Variants in FLI1 observed in about 807,000 individuals in gnomAD.
FLI1 encodes Fli-1 proto-oncogene, ETS transcription factor, also known as Friend leukemia integration 1 transcription factor.
FLI1 carries 13 observed loss-of-function variants against 53.1 expected under a neutral mutation model. The observed-to-expected ratio is 0.24, with a 90% CI of 0.16 to 0.39. The LOEUF (loss-of-function observed/expected upper bound fraction) is 0.39. Ranked by LOEUF, FLI1 falls within the 10% of genes least tolerant of loss-of-function variation. The pLI is 1.00. For synonymous variants in FLI1, 244 were observed against 236.7 expected (o/e 1.03, Z -0.28); for missense variants, 424 against 600.5 (o/e 0.71, Z 3.07).
chr11:128,752,326 G>A (rs560145823), intron 1 of FLI1, among the ~76,000 whole-genome samples: 1 of 152,240 alleles, frequency 6.6e-6, no homozygotes, highest in South Asian at 2.1e-4. Flanking sequence ...CTTGATTTAG[G>A]TACTTTACTC....
intron 1 of FLI1, among the ~76,000 whole-genome samples, chr11:128,723,119 G>A (rs956467370): frequency 3.2e-4 from 48 of 152,250 alleles, no homozygotes; most frequent in African/African-American, 1.0e-3. Context: ...CCACCTCCAC[G>A]ATCAAATCAC....
At chr11:128,723,873 A>G (rs2135740527) in intron 1 of FLI1, among the ~76,000 whole-genome samples, 1 of 151,842 alleles carries the variant, frequency 6.6e-6, no homozygotes, top group South Asian at 2.1e-4. Context: ...AACCAGCTCT[A>G]CTGGAAAGAC....
intron 5 of FLI1, among the ~76,000 whole-genome samples, chr11:128,799,575 G>A (rs1371738037): frequency 2.0e-5 from 3 of 152,168 alleles, no homozygotes; most frequent in African/African-American, 4.8e-5. Context: ...TTTGAATCCC[G>A]GGTTAACTGA....
In FLI1 at chr11:128,731,688, G is replaced by A. The variant is rs77011986; in HGVS notation, c.19-26427G>A. 9.3e-3 allele frequency among the ~76,000 whole-genome samples: 1,423 copies of A among 152,232 alleles called. 19 individuals are homozygous for A. The highest frequency in any genetic ancestry group is 0.032 in the African/African-American group (1,345 of 41,544). On this transcript the variant is annotated intron_variant, in intron 1 of 8. Transcript: ENST00000527786. ...GTCATCGTGATTTGACCTCAGAACC[G>A]TCTCCTATTTTAAGATTTCAAAATG... is the stretch of plus-strand genomic sequence containing the variant.
chr11:128,780,811 G>A lies in FLI1; in HGVS notation c.590-1147G>A, dbSNP rs886557180. On this transcript the variant is annotated intron_variant, in intron 4 of 8. Coordinates refer to ENST00000527786, the MANE Select transcript of FLI1 (RefSeq NM_002017.5). ...AGTCCACTCGGCCACAGGGAGCGGG[G>A]AAAAGGGTTGTTTAGAAGAATTTTC... Among the ~76,000 whole-genome samples, 6 of 152,184 alleles carry A rather than the reference G, an allele frequency of 3.9e-5. No homozygotes were observed. The South Asian group carries it at 8.3e-4, about 21-fold the overall frequency.
At chr11:128,738,153 C>T (rs1482657719) in intron 1 of FLI1, among the ~76,000 whole-genome samples, 1 of 152,190 alleles carries the variant, frequency 6.6e-6, no homozygotes, top group Non-Finnish European at 1.5e-5. Flanking sequence ...TCACCCTGCT[C>T]TCCTGACTTA....
intron 1 of FLI1, among the ~76,000 whole-genome samples, chr11:128,734,060 G>A (rs571602906): frequency 1.3e-5 from 2 of 152,324 alleles, no homozygotes; most frequent in African/African-American, 2.4e-5. Flanking sequence ...CAGGGGCTCC[G>A]AGGCCACAGA....
At chr11:128,783,717 C>T (rs1041284877) in intron 5 of FLI1, among the ~76,000 whole-genome samples, 4 of 152,214 alleles carry the variant, frequency 2.6e-5, no homozygotes, top group Admixed American at 1.3e-4. Context: ...TCCTGCAGAA[C>T]GAAAGAGAAG....
chr11:128,711,153 T>C (rs1938769335), intron 1 of FLI1, among the ~76,000 whole-genome samples: 1 of 152,230 alleles, frequency 6.6e-6, no homozygotes, highest in South Asian at 2.1e-4. Context: ...TCTTTTTTCA[T>C]TAAGTCAATT....
At chr11:128,772,704 G>A (rs911527496) in intron 3 of FLI1, 78 bp from the exon 4 acceptor site, 2 of 1,096,348 alleles carry the variant, frequency 1.8e-6, no homozygotes, top group Admixed American at 3.4e-5. Flanking sequence ...AGGGACAAGG[G>A]GTGAGGGAGG....
chr11:128,740,210 G>A (rs992895797), intron 1 of FLI1, among the ~76,000 whole-genome samples: 5 of 152,244 alleles, frequency 3.3e-5, no homozygotes, highest in South Asian at 2.1e-4. Flanking sequence ...GACAGAGAGA[G>A]ATCAGACCAT....
At chr11:128,773,875 A>G (rs1001645956) in intron 4 of FLI1, among the ~76,000 whole-genome samples, 2 of 151,962 alleles carry the variant, frequency 1.3e-5, no homozygotes, top group African/African-American at 4.8e-5. Flanking sequence ...CACACTACGT[A>G]AGAGCATTCT....
intron 4 of FLI1, among the ~76,000 whole-genome samples, chr11:128,777,530 A>G (rs675061): frequency 0.81 from 123,678 of 152,212 alleles, 50,840 homozygotes; most frequent in African/African-American, 0.93. Flanking sequence ...AGAGGTTTTG[A>G]GTCTGGGCAA....
intron 5 of FLI1, among the ~76,000 whole-genome samples, chr11:128,785,880 T>C (rs1393711919): frequency 3.9e-5 from 6 of 152,216 alleles, no homozygotes; most frequent in Non-Finnish European, 5.9e-5. Context: ...GGTAAGAGTT[T>C]CAATTTGGGA....
At chr11:128,694,369 G>T (rs1591724988) in intron 1 of FLI1, 93 bp downstream of exon 1, 1 of 1,020,584 alleles carries the variant, frequency 9.8e-7, no homozygotes, top group East Asian at 3.3e-5. Flanking sequence ...CCCGGAAGAC[G>T]TGGCCTCTCT....
intron 5 of FLI1, among the ~76,000 whole-genome samples, chr11:128,800,178 G>T (rs1942587210): frequency 6.6e-6 from 1 of 152,092 alleles, no homozygotes; most frequent in Non-Finnish European, 1.5e-5. Context: ...TGCTCTGCTG[G>T]GAGCATGAGC....
intron 5 of FLI1, among the ~76,000 whole-genome samples, chr11:128,788,051 CTG>C: frequency 6.6e-6 from 1 of 151,686 alleles, no homozygotes; most frequent in African/African-American, 2.4e-5. Context: ...ACCTCATGAT[CTG>C]CCCGCCTCGG....
At chr11:128,730,203 G>C (rs1939637166) in intron 1 of FLI1, among the ~76,000 whole-genome samples, 1 of 152,182 alleles carries the variant, frequency 6.6e-6, no homozygotes, top group Non-Finnish European at 1.5e-5. Flanking sequence ...TGTGTACTGT[G>C]TTAAAAACTT....
intron 1 of FLI1, among the ~76,000 whole-genome samples, chr11:128,725,662 C>CTG (rs58514233): frequency 6.7e-6 from 1 of 149,580 alleles, no homozygotes; most frequent in African/African-American, 2.5e-5. Flanking sequence ...CTCTCTCTCT[C>CTG]TGTGTGTGTG....
Sources: gnomAD v4.1 joint callset for allele counts (sites outside exome capture counted in the v4.1 genomes callset) on GRCh38, gnomAD v4.1.1 for gene constraint, MANE v1.5 for transcripts, NCBI Gene and HGNC (gene_info 2026-07-23, HGNC 2026-07-21) for gene names.